The following RGS6 variants were observed in gnomAD, a reference collection of about 807,000 sequenced individuals.
RGS6 encodes regulator of G protein signaling 6.
A neutral mutation model predicts 78.5 loss-of-function variants in RGS6; 30 were observed. The ratio of observed to expected loss-of-function variants is 0.38; its 90% confidence interval spans 0.29 to 0.52. RGS6 has a LOEUF of 0.52. Among genes scored for constraint, RGS6 ranks in the 20% least tolerant of loss-of-function variants. RGS6 has a pLI of 0.85. For synonymous variants in RGS6, 206 were observed against 206.0 expected, an observed-to-expected ratio of 1.00 and a Z score of 0.00; for missense variants, 495 against 609.7, an observed-to-expected ratio of 0.81 and a Z score of 1.98.
At chr14:72,298,058 C>G (rs1297404563) in intron 2 of RGS6, among the ~76,000 whole-genome samples, 1 of 151,980 alleles carries the variant, frequency 6.6e-6, no homozygotes, top group African/African-American at 2.4e-5. Flanking sequence ...ATTTCCTGTT[C>G]TGTCTTGCAG....
chr14:72,617,710 A>G, the RGS6 span, among the ~76,000 whole-genome samples: 16 of 152,116 alleles, frequency 1.1e-4, no homozygotes, highest in African/African-American at 3.9e-4. Context: ...CCTAGAGAGG[A>G]GCACTCCTGC....
intron 14 of RGS6, chr14:72,513,856 T>C (rs982333322): frequency 6.6e-6 from 1 of 152,254 alleles, no homozygotes; most frequent in Non-Finnish European, 1.5e-5. Context: ...GAGAAGGTAG[T>C]TGTTCTTCTA....
chr14:72,106,377 T>G (rs2095632812), intron 2 of RGS6, among the ~76,000 whole-genome samples: 1 of 152,174 alleles, frequency 6.6e-6, no homozygotes, highest in African/African-American at 2.4e-5. Context: ...TCAGAAACTA[T>G]GGAGGTGGGG....
At chr14:71,911,066 C>G in the RGS6 span, among the ~76,000 whole-genome samples, 4 of 152,138 alleles carry the variant, frequency 2.6e-5, no homozygotes, top group Non-Finnish European at 5.9e-5. Flanking sequence ...AATGTCCTCA[C>G]AAATGTAAAT....
At chr14:72,464,746 A>G (rs955761771) in intron 6 of RGS6, 5 of 152,274 alleles carry the variant, frequency 3.3e-5, no homozygotes, top group African/African-American at 1.2e-4. Flanking sequence ...GATGAAGGCC[A>G]TGTTTGAGGA....
intron 3 of RGS6, among the ~76,000 whole-genome samples, chr14:72,389,631 C>G (rs371878462): frequency 1.3e-5 from 2 of 152,170 alleles, no homozygotes; most frequent in East Asian, 1.9e-4. Context: ...TATTTGGAAA[C>G]TAATCGTCAT....
At chr14:72,605,599 C>T in the RGS6 span, among the ~76,000 whole-genome samples, 1 of 152,188 alleles carries the variant, frequency 6.6e-6, no homozygotes, top group Non-Finnish European at 1.5e-5. Context: ...AGCAGAACAC[C>T]AAGACAGGCC....
At chr14:72,068,642 G>A (rs908691811) in intron 2 of RGS6, among the ~76,000 whole-genome samples, 10 of 151,356 alleles carry the variant, frequency 6.6e-5, no homozygotes, top group South Asian at 2.1e-4. Context: ...GATTACAGGC[G>A]CCTGCCACCA....
chr14:72,544,441 C>T (rs2097365813), intron 17 of RGS6, among the ~76,000 whole-genome samples: 1 of 152,118 alleles, frequency 6.6e-6, no homozygotes. Context: ...CAGCCTTGGG[C>T]TCCAAAGATA....
At chr14:72,375,979 C>T (rs2084614937) in intron 3 of RGS6, among the ~76,000 whole-genome samples, 1 of 152,080 alleles carries the variant, frequency 6.6e-6, no homozygotes, top group Non-Finnish European at 1.5e-5. Flanking sequence ...GGAAACAGAC[C>T]TCCAAAGGAA....
At chr14:72,515,237 C>G (rs997539507) in intron 14 of RGS6, among the ~76,000 whole-genome samples, 2 of 151,706 alleles carry the variant, frequency 1.3e-5, no homozygotes, top group Non-Finnish European at 2.9e-5. Flanking sequence ...TGCCCTTTCC[C>G]CCTCCTTCCC....
the RGS6 span, among the ~76,000 whole-genome samples, chr14:72,622,342 T>C: frequency 6.6e-6 from 1 of 152,240 alleles, no homozygotes; most frequent in East Asian, 1.9e-4. Context: ...AGAGGTGGGA[T>C]GAAGACGAGC....
chr14:72,496,735 T>A (rs1335544547), intron 13 of RGS6, among the ~76,000 whole-genome samples: 1 of 152,208 alleles, frequency 6.6e-6, no homozygotes, highest in Non-Finnish European at 1.5e-5. Context: ...AAGGGTACCA[T>A]GAGCTCAGCA....
At chr14:72,253,590 G>A (rs2056369620) in intron 2 of RGS6, among the ~76,000 whole-genome samples, 1 of 152,144 alleles carries the variant, frequency 6.6e-6, no homozygotes, top group Non-Finnish European at 1.5e-5. Flanking sequence ...TTTGGCTTGT[G>A]GGCTGTAGTT....
chr14:72,540,813 G>A (rs542679374), intron 17 of RGS6: 1 of 985,378 alleles, frequency 1.0e-6, no homozygotes, highest in South Asian at 4.7e-5. Context: ...GGGTAAAGAT[G>A]GGCTTCAGAT....
intron 2 of RGS6, among the ~76,000 whole-genome samples, chr14:72,326,328 T>C (rs1049002771): frequency 6.6e-6 from 1 of 152,154 alleles, no homozygotes; most frequent in Non-Finnish European, 1.5e-5. Context: ...AATATATGCT[T>C]GTGTATGAAT....
intron 2 of RGS6, among the ~76,000 whole-genome samples, chr14:72,328,428 T>A (rs1381333844): frequency 6.6e-6 from 1 of 152,148 alleles, no homozygotes; most frequent in Non-Finnish European, 1.5e-5. Flanking sequence ...TATCAAACAC[T>A]CTGTGCAAGG....
intron 2 of RGS6, among the ~76,000 whole-genome samples, chr14:72,068,437 A>G (rs2094260804): frequency 6.7e-6 from 1 of 150,102 alleles, no homozygotes; most frequent in Non-Finnish European, 1.5e-5. Context: ...ATCTGGCCGA[A>G]TATCAGTTCT....
chr14:71,988,203 T>A (rs1442353314), intron 2 of RGS6, among the ~76,000 whole-genome samples: 4 of 152,170 alleles, frequency 2.6e-5, no homozygotes, highest in Non-Finnish European at 4.4e-5. Context: ...TAACTATCAG[T>A]GAGCGAGCAG....
Sources: allele counts gnomAD v4.1 joint callset (sites outside exome capture counted in the v4.1 genomes callset), GRCh38; gene constraint gnomAD v4.1.1; transcripts MANE v1.5; gene names NCBI Gene and HGNC (gene_info 2026-07-23, HGNC 2026-07-21).